ZNF407: variants seen among roughly 807,000 people sequenced by gnomAD.
The protein encoded by ZNF407 is zinc finger protein 407.
Under a neutral mutation model 131.2 loss-of-function variants are expected in ZNF407, and 17 were observed. The ratio of observed to expected loss-of-function variants is 0.13; its 90% CI spans 0.09 to 0.19. ZNF407 has a LOEUF of 0.19. Ranked by LOEUF, ZNF407 falls within the 10% of genes least tolerant of loss-of-function variation. The probability of loss-of-function intolerance (pLI) is 1.00; values close to 1 mark genes in which losing one functional copy is unlikely to be tolerated. For synonymous variants in ZNF407, 1,156 were observed against 1,062.0 expected, an observed-to-expected ratio of 1.09 and a Z score of -1.72; for missense variants, 2,681 against 2,830.6, an observed-to-expected ratio of 0.95 and a Z score of 1.20.
chr18:74,632,094 G>A lies in ZNF407; in HGVS notation c.1075G>A (p.Val359Ile), dbSNP rs369016101. The A allele has an allele frequency of 1.9e-6, 3 of 1,613,846 alleles. No homozygotes were observed. Among genetic ancestry groups the A allele is most frequent in the African/African-American group, 2.7e-5 (2 of 74,918 alleles). ...MPSRNTLSQE[V>I]EIVEEHVTSL... is the part of the protein sequence containing the mutation. ...TTCCAGAAATACTTTGTCACAGGAA[G>A]TAGAGATTGTTGAAGAACATGTTAC... Residue 359 changes from valine to isoleucine, a missense_variant, in exon 2 of 9, where the codon GTA (valine) becomes ATA (isoleucine). Coordinates refer to ENST00000299687, the MANE Select transcript of ZNF407 (RefSeq NM_017757.3).
chr18:74,843,437 A>G (rs868160229), intron 4 of ZNF407, among the ~76,000 whole-genome samples: 4 of 152,218 alleles, frequency 2.6e-5, no homozygotes, highest in African/African-American at 9.6e-5. Context: ...TTCTCTTAGA[A>G]TAAAATGAAC....
chr18:74,917,128 A>T (rs1165815423), intron 7 of ZNF407, among the ~76,000 whole-genome samples: 1 of 152,016 alleles, frequency 6.6e-6, no homozygotes, highest in South Asian at 2.1e-4. Flanking sequence ...TGAAATTGCA[A>T]CCTTCCTGGG....
intron 3 of ZNF407, among the ~76,000 whole-genome samples, chr18:74,737,078 T>C (rs1381293820): frequency 1.3e-5 from 2 of 152,230 alleles, no homozygotes; most frequent in African/African-American, 2.4e-5. Context: ...GTTTTTTCTT[T>C]TATCAAATGC....
At chr18:75,040,130 C>T (rs1054099308) in intron 8 of ZNF407, among the ~76,000 whole-genome samples, 9 of 152,158 alleles carry the variant, frequency 5.9e-5, no homozygotes, top group Admixed American at 5.9e-4. Flanking sequence ...TTCTGTGCTG[C>T]ATTTTATCCC....
At chr18:74,907,098 A>AT (rs964787961) in intron 7 of ZNF407, among the ~76,000 whole-genome samples, 7 of 152,188 alleles carry the variant, frequency 4.6e-5, no homozygotes, top group South Asian at 2.1e-4. Flanking sequence ...CTGGGACTTG[A>AT]TTTTTTTAAC....
In ZNF407 at chr18:74,633,181, C is replaced by G. The variant is rs369448284; in HGVS notation, c.2162C>G (p.Thr721Arg). ...AAAACAAGATCTTCTACTGTTCTCACGAGACATATAAAGCTTCGGCATGGT... is the reference window on the plus strand; with the variant it reads ...AAAACAAGATCTTCTACTGTTCTCAGGAGACATATAAAGCTTCGGCATGGT... ...FYKTRSSTVL[T>R]RHIKLRHGQD... The change falls in exon 2 of 9, where the codon ACG becomes AGG. Residue 721 changes from threonine to arginine, a missense_variant. By Grantham distance (71) the Thr-to-Arg change is moderately conservative. Coordinates refer to ENST00000299687, the MANE Select transcript of ZNF407 (RefSeq NM_017757.3). The G allele has an allele frequency of 6.2e-7, 1 of 1,613,524 alleles. No homozygotes were observed. Among genetic ancestry groups the G allele is most frequent in the Non-Finnish European group, 8.5e-7 (1 of 1,179,748 alleles).
chr18:74,742,960 C>A (rs986627165), intron 3 of ZNF407, among the ~76,000 whole-genome samples: 1 of 151,932 alleles, frequency 6.6e-6, no homozygotes, highest in Non-Finnish European at 1.5e-5. Flanking sequence ...GATAGGGAAA[C>A]CCTTAGGTAA....
At chr18:74,724,940 A>G (rs545297524) in intron 3 of ZNF407, among the ~76,000 whole-genome samples, 10 of 152,346 alleles carry the variant, frequency 6.6e-5, no homozygotes, top group South Asian at 4.1e-4. Context: ...AATTTGATCA[A>G]TTTAACATCT....
At position 74,999,363 on chromosome 18, in the gene ZNF407, A is replaced by AC. The variant is rs1172364712; in HGVS notation, c.5429-63787_5429-63786insC. Reference sequence around the variant, plus strand: ...TAGAGTATAATAAAAAAAAAAAAAAAAAAAAAAAAAAACAAAGGTAAAACT... The same window carrying AC: ...TAGAGTATAATAAAAAAAAAAAAAAACAAAAAAAAAAAACAAAGGTAAAACT... On this transcript the variant is annotated intron_variant, in intron 8 of 8. Transcript: ENST00000299687. Among the ~76,000 whole-genome samples the AC allele has an allele frequency of 1.8e-3, 268 of 150,092 alleles. 2 individuals are homozygous for AC. The highest frequency in any genetic ancestry group is 5.9e-3 in the African/African-American group (244 of 41,024).
chr18:75,058,203 G>T (rs181898021), intron 8 of ZNF407, among the ~76,000 whole-genome samples: 2 of 152,156 alleles, frequency 1.3e-5, no homozygotes, highest in Non-Finnish European at 2.9e-5. Flanking sequence ...CTTCAAGCAC[G>T]CAGAAGGAGC....
intron 7 of ZNF407, among the ~76,000 whole-genome samples, chr18:74,912,608 G>A (rs1284195689): frequency 6.6e-6 from 1 of 152,138 alleles, no homozygotes; most frequent in Non-Finnish European, 1.5e-5. Context: ...TTAACTTACT[G>A]TAGGTTGATT....
At chr18:74,941,045 C>G (rs1424634726) in intron 8 of ZNF407, among the ~76,000 whole-genome samples, 1 of 151,968 alleles carries the variant, frequency 6.6e-6, no homozygotes, top group Admixed American at 6.5e-5. Flanking sequence ...GGGGTGAGTG[C>G]CCTAAGTGAA....
At chr18:74,774,673 TAAAG>T (rs1204827333) in intron 3 of ZNF407, among the ~76,000 whole-genome samples, 2 of 152,118 alleles carry the variant, frequency 1.3e-5, no homozygotes, top group Non-Finnish European at 2.9e-5. Flanking sequence ...ACTATACAAA[TAAAG>T]AAAACGAGGG....
At chr18:75,010,696 C>T (rs1166869197) in intron 8 of ZNF407, among the ~76,000 whole-genome samples, 1 of 152,160 alleles carries the variant, frequency 6.6e-6, no homozygotes, top group East Asian at 1.9e-4. Flanking sequence ...GAAGGAACAA[C>T]TCCTGCCGTT....
chr18:74,955,205 A>G (rs900079293), intron 8 of ZNF407, among the ~76,000 whole-genome samples: 7 of 151,966 alleles, frequency 4.6e-5, no homozygotes, highest in African/African-American at 1.7e-4. Flanking sequence ...GCAAGTCCAG[A>G]GGAACTGGAG....
chr18:75,041,622 GCACACACA>G lies in ZNF407; in HGVS notation c.5429-21501_5429-21494del, dbSNP rs57989015. On this transcript the variant is annotated intron_variant, in intron 8 of 8. Coordinates refer to ENST00000299687, the MANE Select transcript of ZNF407 (RefSeq NM_017757.3). ...GTAGCGCATGTGTGTGCATGCACGT[GCACACACA>G]CACACACACACACACACACACACAC... Among the ~76,000 whole-genome samples, 235 of 144,950 alleles carry G rather than the reference GCACACACA, an allele frequency of 1.6e-3. 5 individuals carry two copies. In the East Asian group the frequency reaches 0.018, roughly 11 times the overall value.
intron 3 of ZNF407, among the ~76,000 whole-genome samples, chr18:74,763,833 C>T (rs1969163036): frequency 1.3e-5 from 2 of 150,740 alleles, no homozygotes; most frequent in East Asian, 2.0e-4. Context: ...CCTCAGCCTC[C>T]CGAGTAGCTG....
chr18:74,734,671 TTGTGTGTGTGTGTGTGTG>T (rs200073035), intron 3 of ZNF407, among the ~76,000 whole-genome samples: 1 of 138,882 alleles, frequency 7.2e-6, no homozygotes, highest in African/African-American at 2.8e-5. Flanking sequence ...GAGTTTCAAT[TTGTGTGTGTGTGTGTGTG>T]TGTGTGTGTG....
At chr18:74,751,174 A>G (rs755111034) in intron 3 of ZNF407, among the ~76,000 whole-genome samples, 7 of 152,122 alleles carry the variant, frequency 4.6e-5, no homozygotes, top group Non-Finnish European at 7.4e-5. Flanking sequence ...TGTTATATCT[A>G]AAACCATTGC....
Sources: gnomAD v4.1 joint callset for allele counts (sites outside exome capture counted in the v4.1 genomes callset) on GRCh38, gnomAD v4.1.1 for gene constraint, MANE v1.5 for transcripts, NCBI Gene and HGNC (gene_info 2026-07-23, HGNC 2026-07-21) for gene names.